The following L2HGDH variants were observed in gnomAD, a reference collection of about 807,000 sequenced individuals.
L2HGDH encodes the protein L-2-hydroxyglutarate dehydrogenase.
Under a neutral mutation model 51.5 loss-of-function variants are expected in L2HGDH, and 34 were observed. That is an observed-to-expected ratio of 0.66 (90% CI 0.50 to 0.88). The LOEUF (loss-of-function observed/expected upper bound fraction) is 0.88, where lower values mean the gene tolerates loss of function less well. Ranked by LOEUF, L2HGDH falls within the 40% of genes least tolerant of loss-of-function variation. The pLI is 0.00. For missense variants in L2HGDH, 558 were observed against 571.9 expected, an observed-to-expected ratio of 0.98 and a Z score of 0.25; for synonymous variants, 198 against 197.9, an observed-to-expected ratio of 1.00 and a Z score of -0.01.
In L2HGDH at chr14:50,261,487, C is replaced by CTA. The variant is rs1199755186; in HGVS notation, c.1196+3869_1196+3870dup. On this transcript the variant is annotated intron_variant, in intron 9 of 9. Transcript: ENST00000267436. The stretch of plus-strand genomic sequence containing the variant: ...CAGAACAAATTTTTAAAGTTTAGAG[C>CTA]TATATATATATTTGAGACAGGGTCT... Among the ~76,000 whole-genome samples, 8 of 152,052 alleles carry CTA rather than the reference C, an allele frequency of 5.3e-5. No individual in the cohort carries two copies. In the East Asian group the frequency reaches 1.2e-3, roughly 22 times the overall value.
intron 6 of L2HGDH, among the ~76,000 whole-genome samples, chr14:50,274,844 C>T (rs1246542817): frequency 1.3e-5 from 2 of 151,958 alleles, no homozygotes; most frequent in Non-Finnish European, 2.9e-5. Flanking sequence ...ATGGAAGATA[C>T]TGTGCTAAGT....
intron 8 of L2HGDH, among the ~76,000 whole-genome samples, chr14:50,265,925 C>G (rs1403957369): frequency 6.6e-6 from 1 of 151,764 alleles, no homozygotes; most frequent in African/African-American, 2.4e-5. Flanking sequence ...ATCAACCAAT[C>G]AATCAATGAA....
intron 2 of L2HGDH, 91 bp from the exon 3 acceptor site, chr14:50,302,259 G>A: frequency 1.5e-6 from 2 of 1,331,462 alleles, no homozygotes; most frequent in Non-Finnish European, 2.2e-6. Flanking sequence ...GAAGCTATTA[G>A]AGACCACATC....
At chr14:50,294,776 A>G (rs2029930930) in intron 3 of L2HGDH, among the ~76,000 whole-genome samples, 1 of 152,226 alleles carries the variant, frequency 6.6e-6, no homozygotes, top group Non-Finnish European at 1.5e-5. Flanking sequence ...TGCAGGGGGA[A>G]AACAGTCAAT....
chr14:50,289,216 T>G (rs1222530156), intron 4 of L2HGDH, among the ~76,000 whole-genome samples: 4 of 152,164 alleles, frequency 2.6e-5, no homozygotes, highest in Non-Finnish European at 5.9e-5. Flanking sequence ...AACCCTAGTT[T>G]TATAATATGC....
At chr14:50,268,566 T>C (rs1192551683) in intron 7 of L2HGDH, among the ~76,000 whole-genome samples, 1 of 152,064 alleles carries the variant, frequency 6.6e-6, no homozygotes, top group Non-Finnish European at 1.5e-5. Flanking sequence ...AAAATACACA[T>C]TCATAGCACA....
chr14:50,298,162 T>G (rs1246561709), intron 3 of L2HGDH, among the ~76,000 whole-genome samples: 1 of 151,410 alleles, frequency 6.6e-6, no homozygotes, highest in African/African-American at 2.4e-5. Flanking sequence ...GAGAATTGCT[T>G]GAACCCAGGA....
chr14:50,245,402 C>CA lies in L2HGDH; in HGVS notation c.*1655dup, dbSNP rs948484401. The stretch of plus-strand genomic sequence containing the variant: ...GAGATTGAAGAACAGGACAACCACT[C>CA]AGTGTACCACTGTTTAGATTTCATG... On this transcript the variant is annotated 3_prime_UTR_variant, in exon 10 of 10. Coordinates refer to ENST00000267436, the MANE Select transcript of L2HGDH (RefSeq NM_024884.3). 141 of 985,376 alleles carry CA rather than the reference C, an allele frequency of 1.4e-4. No homozygotes were observed. In the African/African-American group the frequency reaches 2.1e-3, roughly 15 times the overall value. The allele number at this position is 985,376 out of a possible 1,614,324, so 61.0% of individuals were successfully genotyped here.
At chr14:50,294,073 G>A (rs1187983393) in intron 4 of L2HGDH, 42 bp downstream of exon 4, 2 of 1,608,654 alleles carry the variant, frequency 1.2e-6, no homozygotes, top group African/African-American at 2.7e-5. Flanking sequence ...CATGTCTCAG[G>A]ACTAAGCCCT....
Position 50,287,189 on chromosome 14 carries a change from T to C in L2HGDH, c.541-3156A>G, listed in dbSNP as rs566288805. The C allele has an allele frequency of 7.1e-6, 7 of 985,014 alleles. No homozygotes were observed. In the African/African-American group the frequency reaches 1.0e-4, roughly 15 times the overall value. 61.0% of individuals were successfully genotyped at this position (985,014 alleles called of 1,614,324 possible). A position where few individuals can be genotyped will look rare whatever the true frequency, so the allele number is the denominator to read the frequency against. ...CTGACCTCATTCCAAGGACCTGTGA[T>C]GGTCACCTCATCAGGTACAGAGAAC... On this transcript the variant is annotated intron_variant, in intron 4 of 9. Coordinates refer to ENST00000267436, the MANE Select transcript of L2HGDH (RefSeq NM_024884.3).
rs146087658 is a variant in L2HGDH, at chr14:50,289,490, T to C, written c.540+4625A>G. On this transcript the variant is annotated intron_variant, in intron 4 of 9. Transcript: ENST00000267436. ...AATTATAACAAATTTAGTTTAAAGA[T>C]CTAATTAGCTTTATTAGAAATTCAT... is the stretch of plus-strand genomic sequence containing the variant. Among the ~76,000 whole-genome samples, 312 of 152,250 alleles carry C rather than the reference T, an allele frequency of 2.0e-3. 5 individuals are homozygous for C. In the East Asian group the frequency reaches 0.031, roughly 15 times the overall value.
intron 1 of L2HGDH, 150 bp downstream of exon 1, chr14:50,311,861 A>G (rs1385647110): frequency 9.7e-7 from 1 of 1,034,170 alleles, no homozygotes; most frequent in African/African-American, 1.6e-5. Flanking sequence ...GCAGGTTGGT[A>G]GCTCCTGGGA....
chr14:50,277,372 T>C (rs892614161), intron 6 of L2HGDH, among the ~76,000 whole-genome samples: 4 of 152,044 alleles, frequency 2.6e-5, no homozygotes, highest in Non-Finnish European at 4.4e-5. Flanking sequence ...GGGTGGACTG[T>C]AGGGGTTTGT....
intron 9 of L2HGDH, among the ~76,000 whole-genome samples, chr14:50,260,808 G>A: frequency 6.6e-6 from 1 of 152,104 alleles, no homozygotes; most frequent in Non-Finnish European, 1.5e-5. Flanking sequence ...AGTAGAGGCT[G>A]GGGATGCTGT....
At chr14:50,278,322 A>C (rs1372216757) in intron 6 of L2HGDH, among the ~76,000 whole-genome samples, 198 bp downstream of exon 6, 1 of 152,236 alleles carries the variant, frequency 6.6e-6, no homozygotes, top group African/African-American at 2.4e-5. Context: ...TTGCCAGCAG[A>C]GCCACTTAAT....
chr14:50,279,605 C>A (rs944981572), intron 5 of L2HGDH, among the ~76,000 whole-genome samples: 3 of 150,720 alleles, frequency 2.0e-5, no homozygotes, highest in Admixed American at 2.0e-4. Flanking sequence ...TTTGGGAGGC[C>A]AAGGTGGGCA....
intron 4 of L2HGDH, chr14:50,287,028 C>G (rs1566527884): frequency 4.4e-6 from 1 of 227,300 alleles, no homozygotes; most frequent in Non-Finnish European, 7.3e-6. Context: ...AGAAAAAATA[C>G]CAGTTCTGAG....
chr14:50,284,365 G>A (rs1463812275), intron 4 of L2HGDH, among the ~76,000 whole-genome samples: 9 of 152,192 alleles, frequency 5.9e-5, no homozygotes, highest in Non-Finnish European at 2.9e-5. Flanking sequence ...TGTTTCCAGA[G>A]CATTGCTTTG....
intron 1 of L2HGDH, among the ~76,000 whole-genome samples, chr14:50,307,137 A>G (rs760991617): frequency 6.6e-6 from 1 of 152,176 alleles, no homozygotes. Context: ...TTTGATAATT[A>G]TAACACAAAA....
Sources: allele counts gnomAD v4.1 joint callset (sites outside exome capture counted in the v4.1 genomes callset), GRCh38; gene constraint gnomAD v4.1.1; transcripts MANE v1.5; gene names NCBI Gene and HGNC (gene_info 2026-07-23, HGNC 2026-07-21).